OSBPL1A: variants seen among roughly 807,000 people sequenced by gnomAD.
The protein encoded by OSBPL1A is oxysterol binding protein like 1A.
Under a neutral mutation model 137.1 loss-of-function variants are expected in OSBPL1A, and 80 were observed. That is an observed-to-expected ratio of 0.58 (90% confidence interval 0.49 to 0.70). The LOEUF (loss-of-function observed/expected upper bound fraction) is 0.70. Among genes scored for constraint, OSBPL1A ranks in the 30% least tolerant of loss-of-function variants. The pLI, the probability that OSBPL1A is intolerant of heterozygous loss-of-function variation, is 0.00. For synonymous variants in OSBPL1A, 365 were observed against 389.7 expected (o/e 0.94, Z 0.75); for missense variants, 970 against 1,129.4 (o/e 0.86, Z 2.02).
chr18:24,193,436 C>T (rs545724348), intron 18 of OSBPL1A, among the ~76,000 whole-genome samples: 6 of 147,896 alleles, frequency 4.1e-5, no homozygotes, highest in African/African-American at 1.3e-4. Context: ...TGCAGTGAGC[C>T]GAGACTGCAC....
At chr18:24,252,413 G>A (rs563426062) in intron 15 of OSBPL1A, among the ~76,000 whole-genome samples, 1 of 152,194 alleles carries the variant, frequency 6.6e-6, no homozygotes, top group Admixed American at 6.5e-5. Context: ...GAAGAGAGTG[G>A]TGTGATATAT....
intron 20 of OSBPL1A, 26 bp from the exon 21 acceptor site, chr18:24,178,221 G>GAA (rs749902953): frequency 2.4e-5 from 22 of 905,902 alleles, no homozygotes; most frequent in Non-Finnish European, 2.8e-5. Flanking sequence ...AAAAAAAAAA[G>GAA]AAAAAAAAAA....
At chr18:24,259,735 T>C (rs1256432077) in intron 15 of OSBPL1A, among the ~76,000 whole-genome samples, 2 of 152,166 alleles carry the variant, frequency 1.3e-5, no homozygotes, top group Admixed American at 1.3e-4. Context: ...TGTAACGTTT[T>C]TATAAAGCAC....
intron 17 of OSBPL1A, among the ~76,000 whole-genome samples, chr18:24,209,619 GA>G (rs1334168195): frequency 2.0e-5 from 3 of 151,554 alleles, no homozygotes; most frequent in Non-Finnish European, 4.4e-5. Context: ...CTCCAAACTG[GA>G]AAAAAAACAA....
chr18:24,183,672 G>C (rs75532467), intron 18 of OSBPL1A, among the ~76,000 whole-genome samples: 1 of 151,938 alleles, frequency 6.6e-6, no homozygotes, highest in Non-Finnish European at 1.5e-5. Context: ...CTGACCTCAG[G>C]TGATCCACCC....
chr18:24,333,181 T>TAGCC, intron 6 of OSBPL1A, 95 bp from the exon 7 acceptor site: 1 of 1,366,874 alleles, frequency 7.3e-7, no homozygotes, highest in Non-Finnish European at 1.0e-6. Flanking sequence ...GCCCGAAGAA[T>TAGCC]AGCCAAGCTC....
intron 7 of OSBPL1A, chr18:24,321,759 T>A (rs970986988): frequency 2.1e-5 from 10 of 474,018 alleles, no homozygotes; most frequent in African/African-American, 1.8e-4. Flanking sequence ...CAAATAAATT[T>A]TTTAAAAAGA....
At chr18:24,272,049 C>G in intron 15 of OSBPL1A, 1 of 982,670 alleles carries the variant, frequency 1.0e-6, no homozygotes, top group Middle Eastern at 5.2e-4. Flanking sequence ...CGGGCCGCTC[C>G]TCCCCTTCCC....
chr18:24,317,165 G>A lies in OSBPL1A; in HGVS notation c.854C>T (p.Thr285Ile). 3.1e-6 allele frequency: 5 copies of A among 1,613,872 alleles called. No homozygotes were observed. Among genetic ancestry groups the A allele is most frequent in the Non-Finnish European group, 4.2e-6 (5 of 1,179,932 alleles). The change falls in exon 11 of 28, where the codon ACT becomes ATT. Residue 285 changes from threonine to isoleucine, a missense_variant. By Grantham distance (89) the Thr-to-Ile change is moderately conservative. Coordinates refer to ENST00000319481, the MANE Select transcript of OSBPL1A (RefSeq NM_080597.4). ...TCATCCTACCGTGCATACTGCTTGA[G>A]TCAGGTGTTTGCATCCCTGGCGATA... is the stretch of plus-strand genomic sequence containing the variant. ...NIYRQGCKHL[T>I]QAVCTVKSTD... is the part of the protein sequence containing the mutation.
intron 16 of OSBPL1A, among the ~76,000 whole-genome samples, chr18:24,237,370 T>C (rs2088518216): frequency 6.6e-6 from 1 of 152,130 alleles, no homozygotes; most frequent in Admixed American, 6.5e-5. Flanking sequence ...AATGGCACCA[T>C]TACAGCTCAC....
intron 11 of OSBPL1A, among the ~76,000 whole-genome samples, chr18:24,316,668 A>G (rs1360676060): frequency 2.0e-5 from 3 of 152,218 alleles, no homozygotes; most frequent in African/African-American, 7.2e-5. Flanking sequence ...CCACAAGCAC[A>G]GTAGGACACT....
At chr18:24,218,709 G>T (rs559654884) in intron 17 of OSBPL1A, among the ~76,000 whole-genome samples, 2 of 152,092 alleles carry the variant, frequency 1.3e-5, no homozygotes, top group Non-Finnish European at 1.5e-5. Flanking sequence ...GTCTCCCAAA[G>T]TGCTGGGATT....
intron 25 of OSBPL1A, 110 bp from the exon 26 acceptor site, chr18:24,166,812 G>T: frequency 9.1e-7 from 1 of 1,101,638 alleles, no homozygotes; most frequent in East Asian, 2.5e-5. Context: ...CCCTTTCATG[G>T]TAACAATGGT....
At chr18:24,247,464 C>A (rs749105406) in intron 15 of OSBPL1A, among the ~76,000 whole-genome samples, 8 of 152,054 alleles carry the variant, frequency 5.3e-5, no homozygotes, top group Non-Finnish European at 1.0e-4. Context: ...TTTTGTTGGA[C>A]AAGAGGTGTT....
At chr18:24,201,133 G>C (rs1027759625) in intron 17 of OSBPL1A, among the ~76,000 whole-genome samples, 2 of 152,254 alleles carry the variant, frequency 1.3e-5, no homozygotes, top group South Asian at 4.1e-4. Flanking sequence ...CATACAGAGA[G>C]AACACACCCT....
At chr18:24,341,180 A>T (rs2091267652) in intron 5 of OSBPL1A, among the ~76,000 whole-genome samples, 1 of 151,994 alleles carries the variant, frequency 6.6e-6, no homozygotes, top group South Asian at 2.1e-4. Flanking sequence ...TTTTTTTAAA[A>T]TTTTTTGTAG....
In OSBPL1A at chr18:24,163,457, GAAT is replaced by G. The variant is rs537869061; in HGVS notation, c.2751-179_2751-177del. On this transcript the variant is annotated intron_variant, in intron 27 of 27. Coordinates refer to ENST00000319481, the MANE Select transcript of OSBPL1A (RefSeq NM_080597.4). ...TGCTTAGGTAGGGAACAGGTCTGTG[GAAT>G]AATATTCCAAAAGGGGTAATGATAC... 1.1e-4 allele frequency among the ~76,000 whole-genome samples: 17 copies of G among 152,266 alleles called. No individual in the cohort carries two copies. The East Asian group carries it at 3.3e-3, about 29-fold the overall frequency.
chr18:24,171,562 C>T lies in OSBPL1A; in HGVS notation c.2202-64G>A, dbSNP rs2086288130. On this transcript the variant is annotated intron_variant, in intron 22 of 27. Coordinates refer to ENST00000319481, the MANE Select transcript of OSBPL1A (RefSeq NM_080597.4). ...GCAAAGCAGCAGTAGAGAAAAATAA[C>T]TGTGATCACTTTTCTAGCAGCAGCT... 6 of 1,261,772 alleles carry T rather than the reference C, an allele frequency of 4.8e-6. No homozygotes were observed. The South Asian group carries it at 7.6e-5, about 16-fold the overall frequency. 78.2% of individuals were successfully genotyped at this position (1,261,772 alleles called of 1,614,324 possible). A position where few individuals can be genotyped will look rare whatever the true frequency, so the allele number is the denominator to read the frequency against.
intron 4 of OSBPL1A, among the ~76,000 whole-genome samples, chr18:24,348,511 G>A (rs1340022456): frequency 1.3e-5 from 2 of 151,428 alleles, no homozygotes; most frequent in African/African-American, 4.9e-5. Context: ...GGTGGCTCAC[G>A]CCTATAATCC....
Sources: gnomAD v4.1 joint callset for allele counts (sites outside exome capture counted in the v4.1 genomes callset) on GRCh38, gnomAD v4.1.1 for gene constraint, MANE v1.5 for transcripts, NCBI Gene and HGNC (gene_info 2026-07-23, HGNC 2026-07-21) for gene names.